Variants in SLC5A1 observed in about 807,000 individuals in gnomAD.
The protein encoded by SLC5A1 is solute carrier family 5 member 1.
SLC5A1 carries 42 observed loss-of-function variants against 73.5 expected under a neutral mutation model. The observed-to-expected ratio is 0.57, with a 90% CI of 0.45 to 0.74. The LOEUF is 0.74. SLC5A1 is among the 30% of genes least tolerant of loss of function. The pLI is 0.00. For missense variants in SLC5A1, 634 were observed against 855.4 expected, an observed-to-expected ratio of 0.74 and a Z score of 3.23; for synonymous variants, 300 against 317.4, an observed-to-expected ratio of 0.95 and a Z score of 0.58.
chr22:32,045,410 T>C (rs1475473064), intron 1 of SLC5A1, among the ~76,000 whole-genome samples: 1 of 152,242 alleles, frequency 6.6e-6, no homozygotes, highest in Non-Finnish European at 1.5e-5. Flanking sequence ...CATTAGACAA[T>C]GCCTCTGGAC....
intron 3 of SLC5A1, 36 bp from the exon 4 acceptor site, chr22:32,067,931 C>A: frequency 6.2e-7 from 1 of 1,612,672 alleles, no homozygotes; most frequent in Non-Finnish European, 8.5e-7. Flanking sequence ...GCTAAGTTTC[C>A]TCCTAATTTG....
rs199881996 is a variant in SLC5A1 at position 32,085,014 on chromosome 22, A to G, written c.1000A>G (p.Ile334Val). Reference protein sequence around the residue: ...PMFIMVMPGMISRILYTEKIA... With the variant: ...PMFIMVMPGMVSRILYTEKIA... ...GTTCATCATGGTGATGCCAGGAATG[A>G]TCAGCCGCATTCTGTACACAGGTAA... Residue 334 changes from isoleucine to valine, a missense_variant, in exon 9 of 15, where the codon ATC (isoleucine) becomes GTC (valine). Coordinates refer to ENST00000266088, the MANE Select transcript of SLC5A1 (RefSeq NM_000343.4). The G allele has an allele frequency of 3.1e-6, 5 of 1,614,176 alleles. No individual in the cohort carries two copies. Among genetic ancestry groups the G allele is most frequent in the Non-Finnish European group, 4.2e-6 (5 of 1,180,030 alleles).
Position 32,043,695 on chromosome 22 carries a change from G to A in SLC5A1, c.135+279G>A, listed in dbSNP as rs183097034. Among the ~76,000 whole-genome samples, 291 of 152,308 alleles carry A rather than the reference G, an allele frequency of 1.9e-3. No homozygotes were observed. The highest frequency in any genetic ancestry group is 2.5e-3 in the Admixed American group (38 of 15,296). ...AGGAAGGTGGGGGTTTGAAGAGACC[G>A]CTGGAAAGTGTAAGGGGCAGGAAAG... On this transcript the variant is annotated intron_variant, in intron 1 of 14. Coordinates refer to ENST00000266088, the MANE Select transcript of SLC5A1 (RefSeq NM_000343.4). The surrounding 1 kb of genome is among the most constrained non-coding windows in gnomAD (Gnocchi z 6.5).
At chr22:32,097,793 G>A (rs916387411) in intron 11 of SLC5A1, among the ~76,000 whole-genome samples, 6 of 151,802 alleles carry the variant, frequency 4.0e-5, no homozygotes, top group African/African-American at 9.7e-5. Flanking sequence ...TTTTTTTATC[G>A]GAATTTAAAA....
intron 1 of SLC5A1, among the ~76,000 whole-genome samples, chr22:32,048,348 TC>T (rs1411745785): frequency 6.6e-6 from 1 of 152,072 alleles, no homozygotes; most frequent in Non-Finnish European, 1.5e-5. Flanking sequence ...CCAGAAATAA[TC>T]CGAAGGCTTA....
chr22:32,104,759 T>G, intron 13 of SLC5A1, 27 bp from the exon 14 acceptor site: 1 of 1,589,790 alleles, frequency 6.3e-7, no homozygotes, highest in Non-Finnish European at 8.6e-7. Context: ...TGGATCTTTC[T>G]GTTGACCTGT....
intron 5 of SLC5A1, among the ~76,000 whole-genome samples, chr22:32,070,708 C>A (rs924258289): frequency 6.6e-6 from 1 of 151,974 alleles, no homozygotes; most frequent in Non-Finnish European, 1.5e-5. Context: ...TAAAACAAAA[C>A]AAAGCAACAA....
Position 32,049,827 on chromosome 22 carries a change from G to C in SLC5A1, c.136-116G>C. 3 of 834,362 alleles carry C rather than the reference G, an allele frequency of 3.6e-6. No homozygotes were observed. The South Asian group carries it at 4.0e-5, about 11-fold the overall frequency. 51.7% of individuals were successfully genotyped at this position (834,362 alleles called of 1,614,324 possible). ...CTGCAGGGGAAGAAGGAATGTGAAAGTGTTTCAGAAAGTGGAGTGGGTAGA... is the reference window on the plus strand; with the variant it reads ...CTGCAGGGGAAGAAGGAATGTGAAACTGTTTCAGAAAGTGGAGTGGGTAGA... On this transcript the variant is annotated intron_variant, in intron 1 of 14. Transcript: ENST00000266088.
chr22:32,082,313 T>C (rs907190098), intron 6 of SLC5A1, among the ~76,000 whole-genome samples: 4 of 151,514 alleles, frequency 2.6e-5, no homozygotes. Flanking sequence ...GGAGGCAGGG[T>C]GGGCACGCAG....
At chr22:32,076,428 A>G (rs1239314722) in intron 5 of SLC5A1, among the ~76,000 whole-genome samples, 2 of 152,220 alleles carry the variant, frequency 1.3e-5, no homozygotes, top group Non-Finnish European at 2.9e-5. Flanking sequence ...CCCTGGAGAT[A>G]AAGCCTCAGA....
At chr22:32,072,592 A>C (rs576775595) in intron 5 of SLC5A1, among the ~76,000 whole-genome samples, 1 of 152,362 alleles carries the variant, frequency 6.6e-6, no homozygotes, top group East Asian at 1.9e-4. Context: ...CTTTTAAAAA[A>C]TATAACCATT....
At chr22:32,062,146 C>T (rs2093964157) in intron 2 of SLC5A1, among the ~76,000 whole-genome samples, 1 of 152,110 alleles carries the variant, frequency 6.6e-6, no homozygotes, top group South Asian at 2.1e-4. Context: ...GTTGTTCTAC[C>T]ACAGATTCAG....
chr22:32,106,955 C>T (rs1294197809), intron 14 of SLC5A1, among the ~76,000 whole-genome samples: 1 of 152,118 alleles, frequency 6.6e-6, no homozygotes, highest in African/African-American at 2.4e-5. Flanking sequence ...GGGGAAAGAG[C>T]CCTAGAGATC....
At chr22:32,068,648 C>A in intron 5 of SLC5A1, 48 bp downstream of exon 5, 1 of 1,247,010 alleles carries the variant, frequency 8.0e-7, no homozygotes, top group Non-Finnish European at 1.2e-6. Flanking sequence ...AGCTGCCACT[C>A]TCATTCCTCA....
intron 5 of SLC5A1, among the ~76,000 whole-genome samples, chr22:32,073,596 G>A (rs2093986121): frequency 6.6e-6 from 1 of 151,984 alleles, no homozygotes; most frequent in South Asian, 2.1e-4. Flanking sequence ...CACTCTCGTT[G>A]CCCAGGCTGG....
At position 32,104,871 on chromosome 22, in the gene SLC5A1, C is replaced by T. The variant is rs1603145443; in HGVS notation, c.1751C>T (p.Pro584Leu). The T allele has an allele frequency of 3.1e-6, 5 of 1,613,498 alleles. No homozygotes were observed. Among genetic ancestry groups the T allele is most frequent in the Non-Finnish European group, 4.2e-6 (5 of 1,179,424 alleles). The change falls in exon 14 of 15, where the codon CCT (proline) becomes CTT (leucine). Residue 584 changes from proline (P) to leucine (L), a missense_variant. Coordinates refer to ENST00000266088, the MANE Select transcript of SLC5A1 (RefSeq NM_000343.4). ...DAEEENIQEG[P>L]KETIEIETQV... ...GAAGAGGAGAACATCCAAGAAGGCC[C>T]TAAGGAGACCATTGAAATAGGTGAC... is the stretch of plus-strand genomic sequence containing the variant.
intron 10 of SLC5A1, 62 bp downstream of exon 10, chr22:32,086,389 C>T: frequency 9.4e-7 from 1 of 1,069,034 alleles, no homozygotes; most frequent in Non-Finnish European, 1.5e-6. Context: ...GGTTTAGGCA[C>T]CACCTACATT....
At position 32,096,814 on chromosome 22, in the gene SLC5A1, C is replaced by T. The variant is rs575296047; in HGVS notation, c.1281-2369C>T. On this transcript the variant is annotated intron_variant, in intron 11 of 14. Transcript: ENST00000266088. ...TGGGATGTCAGTCAAGGGAAAGTTT[C>T]CCAGTGAGTGCAGGAGGGGTATAGG... is the stretch of plus-strand genomic sequence containing the variant. Among the ~76,000 whole-genome samples the T allele has an allele frequency of 1.6e-3, 239 of 152,238 alleles. 2 individuals carry two copies. The highest frequency in any genetic ancestry group is 1.7e-3 in the Non-Finnish European group (114 of 68,000).
chr22:32,067,078 G>A (rs2093974661), intron 3 of SLC5A1, 39 bp downstream of exon 3: 3 of 1,476,438 alleles, frequency 2.0e-6, no homozygotes, highest in Middle Eastern at 1.8e-4. Flanking sequence ...GGGGCTGGAA[G>A]GAGCCTTAGC....
Sources: gnomAD v4.1 joint callset for allele counts (sites outside exome capture counted in the v4.1 genomes callset) on GRCh38, gnomAD v4.1.1 for gene constraint, Gnocchi (gnomAD v3.1) non-coding constraint, MANE v1.5 for transcripts, NCBI Gene and HGNC (gene_info 2026-07-23, HGNC 2026-07-21) for gene names.